The following HHAT variants were observed in gnomAD, a reference collection of about 807,000 sequenced individuals.
HHAT encodes the protein protein-cysteine N-palmitoyltransferase HHAT.
In HHAT, 47 loss-of-function variants were observed where a neutral mutation model predicts 70.8. The ratio of observed to expected loss-of-function variants is 0.66; its 90% CI spans 0.53 to 0.85. The LOEUF (loss-of-function observed/expected upper bound fraction) is 0.85. HHAT is among the 40% of genes least tolerant of loss of function. HHAT has a pLI of 0.00. For missense variants in HHAT, 609 were observed against 604.8 expected, an observed-to-expected ratio of 1.01 and a Z score of -0.07; for synonymous variants, 228 against 247.6, an observed-to-expected ratio of 0.92 and a Z score of 0.74.
rs145068016 is a variant in HHAT, at chr1:210,525,891, G to C, written c.1043+12703G>C. Among the ~76,000 whole-genome samples the C allele has an allele frequency of 1.9e-3, 286 of 152,338 alleles. 9 individuals carry two copies. The South Asian group carries it at 0.041, about 22-fold the overall frequency. On this transcript the variant is annotated intron_variant, in intron 9 of 11. Coordinates refer to ENST00000261458, the MANE Select transcript of HHAT (RefSeq NM_018194.6). ...CATGGTCTTAGGCCACTGCAGATGG[G>C]TTATTTACTTGACAGGCCATTTGTT...
intron 3 of HHAT, among the ~76,000 whole-genome samples, chr1:210,366,939 C>T (rs1298550088): frequency 1.3e-5 from 2 of 152,220 alleles, no homozygotes; most frequent in East Asian, 3.9e-4. Context: ...ACTTCCCTGC[C>T]TCTCTCTTTA....
At chr1:210,546,859 G>A (rs540101118) in intron 9 of HHAT, among the ~76,000 whole-genome samples, 2 of 152,306 alleles carry the variant, frequency 1.3e-5, no homozygotes, top group Admixed American at 1.3e-4. Context: ...ACTTGATAAT[G>A]AAGCCTGGGT....
At chr1:210,634,807 A>C (rs1381642307) in intron 11 of HHAT, among the ~76,000 whole-genome samples, 3 of 152,236 alleles carry the variant, frequency 2.0e-5, no homozygotes, top group Non-Finnish European at 4.4e-5. Flanking sequence ...ATTGCAATAC[A>C]AAATTTCTAT....
At chr1:210,431,197 G>A (rs1454011985) in intron 7 of HHAT, among the ~76,000 whole-genome samples, 1 of 151,770 alleles carries the variant, frequency 6.6e-6, no homozygotes, top group Admixed American at 6.6e-5. Context: ...CTGGCTTGGG[G>A]TTTTGAGGGG....
chr1:210,652,675 A>T (rs867329538), intron 11 of HHAT, among the ~76,000 whole-genome samples: 2 of 95,734 alleles, frequency 2.1e-5, no homozygotes, highest in East Asian at 5.9e-4. Flanking sequence ...GTGTAGATCT[A>T]TAAGAAAAAG....
intron 8 of HHAT, among the ~76,000 whole-genome samples, chr1:210,509,386 A>G (rs2094916131): frequency 6.6e-6 from 1 of 152,172 alleles, no homozygotes; most frequent in South Asian, 2.1e-4. Context: ...CTCTAATAAC[A>G]AAACTCAGGA....
intron 3 of HHAT, among the ~76,000 whole-genome samples, chr1:210,386,223 T>TTTTTTC (rs1220022050): frequency 2.1e-5 from 2 of 97,502 alleles, no homozygotes; most frequent in African/African-American, 8.2e-5. Flanking sequence ...AGTCCTTTTC[T>TTTTTTC]TTTTTTCTTT....
chr1:210,340,241 A>AGG (rs142468999), intron 1 of HHAT, among the ~76,000 whole-genome samples: 36 of 49,166 alleles, frequency 7.3e-4, no homozygotes, highest in South Asian at 1.5e-3. Context: ...ACTCTGTCTC[A>AGG]GAAAAAAAAA....
chr1:210,383,680 CTG>C (rs2090829292), intron 3 of HHAT, among the ~76,000 whole-genome samples: 1 of 152,092 alleles, frequency 6.6e-6, no homozygotes, highest in African/African-American at 2.4e-5. Flanking sequence ...AAATATATTA[CTG>C]TGGTGGGAGA....
At chr1:210,589,943 T>C (rs1358481444) in intron 10 of HHAT, 1 of 152,242 alleles carries the variant, frequency 6.6e-6, no homozygotes, top group Non-Finnish European at 1.5e-5. Context: ...GTTGCAAGTA[T>C]GATGTTTGGC....
At chr1:210,662,296 G>T (rs1045982494) in intron 11 of HHAT, among the ~76,000 whole-genome samples, 2 of 152,216 alleles carry the variant, frequency 1.3e-5, no homozygotes, top group Non-Finnish European at 2.9e-5. Context: ...CAGGCTGCCT[G>T]TCTGAATGCT....
At chr1:210,374,109 C>A (rs531858946) in intron 3 of HHAT, 1 of 148,934 alleles carries the variant, frequency 6.7e-6, no homozygotes, top group Non-Finnish European at 1.5e-5. Context: ...CCTAAAGTTG[C>A]ACCATAATGT....
intron 2 of HHAT, among the ~76,000 whole-genome samples, chr1:210,353,454 T>TAA (rs370676908): frequency 5.5e-5 from 3 of 54,240 alleles, no homozygotes; most frequent in African/African-American, 1.0e-4. Flanking sequence ...TTTTTTTTTT[T>TAA]AAAAAAAAGC....
chr1:210,542,838 T>A (rs2095444405), intron 9 of HHAT, among the ~76,000 whole-genome samples: 1 of 152,130 alleles, frequency 6.6e-6, no homozygotes, highest in African/African-American at 2.4e-5. Flanking sequence ...TTAAATCATA[T>A]TAAGTATACG....
chr1:210,413,038 T>C (rs2092611647), intron 6 of HHAT, among the ~76,000 whole-genome samples: 1 of 152,226 alleles, frequency 6.6e-6, no homozygotes, highest in Admixed American at 6.5e-5. Flanking sequence ...CTCCTTTGCA[T>C]CTGCAATTGC....
In HHAT at chr1:210,602,779, A is replaced by T. The variant is rs1176827764; in HGVS notation, c.1245+14680A>T. 2.6e-5 allele frequency among the ~76,000 whole-genome samples: 4 copies of T among 152,152 alleles called. No individual in the cohort carries two copies. In the East Asian group the frequency reaches 7.7e-4, roughly 29 times the overall value. On this transcript the variant is annotated intron_variant, in intron 10 of 11. Coordinates refer to ENST00000261458, the MANE Select transcript of HHAT (RefSeq NM_018194.6). ...ACGGTGTGTTCCTTGGTGGATTACG[A>T]CCCATTGGCACCCCCACAGCATTGT...
chr1:210,657,926 G>A (rs531785757), intron 11 of HHAT, among the ~76,000 whole-genome samples: 12 of 152,288 alleles, frequency 7.9e-5, no homozygotes, highest in Admixed American at 2.0e-4. Context: ...AGGGCCAAAT[G>A]TACACAGAGG....
intron 7 of HHAT, among the ~76,000 whole-genome samples, chr1:210,432,086 A>G (rs1357749303): frequency 1.3e-5 from 2 of 151,788 alleles, no homozygotes; most frequent in African/African-American, 2.4e-5. Flanking sequence ...AAAAGTGAGC[A>G]TCCATGGATT....
intron 11 of HHAT, among the ~76,000 whole-genome samples, chr1:210,643,951 T>G (rs901520913): frequency 6.6e-6 from 1 of 152,174 alleles, no homozygotes; most frequent in African/African-American, 2.4e-5. Flanking sequence ...TTTTAAGATC[T>G]GTAGCTTAAA....
Sources: gnomAD v4.1 joint callset for allele counts (sites outside exome capture counted in the v4.1 genomes callset) on GRCh38, gnomAD v4.1.1 for gene constraint, MANE v1.5 for transcripts, NCBI Gene and HGNC (gene_info 2026-07-23, HGNC 2026-07-21) for gene names.